GRM7: variants seen among roughly 807,000 people sequenced by gnomAD.
The protein encoded by GRM7 is glutamate metabotropic receptor 7.
Under a neutral mutation model 84.5 loss-of-function variants are expected in GRM7, and 35 were observed. The observed-to-expected ratio is 0.41, with a 90% confidence interval of 0.32 to 0.55. The LOEUF (loss-of-function observed/expected upper bound fraction) is 0.55. Among genes scored for constraint, GRM7 ranks in the 20% least tolerant of loss-of-function variants. The pLI, the probability that GRM7 is intolerant of heterozygous loss-of-function variation, is 0.19. For synonymous variants in GRM7, 487 were observed against 455.1 expected (o/e 1.07, Z -0.89); for missense variants, 1,003 against 1,194.6 (o/e 0.84, Z 2.36).
intron 4 of GRM7, among the ~76,000 whole-genome samples, chr3:7,392,820 G>T (rs1231997334): frequency 1.3e-5 from 2 of 152,210 alleles, no homozygotes; most frequent in African/African-American, 2.4e-5. Context: ...AACTTTGTGG[G>T]TGAAAAGCTG....
chr3:7,284,260 G>T (rs1699349686), intron 2 of GRM7, among the ~76,000 whole-genome samples: 1 of 146,962 alleles, frequency 6.8e-6, no homozygotes, highest in Admixed American at 7.0e-5. Flanking sequence ...AGGAGTTAGG[G>T]GTGTGTGGGG....
chr3:7,066,367 A>G (rs752592400), intron 1 of GRM7, among the ~76,000 whole-genome samples: 5 of 151,944 alleles, frequency 3.3e-5, no homozygotes, highest in Non-Finnish European at 5.9e-5. Flanking sequence ...ACTGAAATAC[A>G]AAAGCTCATT....
intron 1 of GRM7, among the ~76,000 whole-genome samples, chr3:6,883,174 T>C (rs948843597): frequency 8.5e-5 from 13 of 152,226 alleles, no homozygotes; most frequent in African/African-American, 2.7e-4. Flanking sequence ...AGATTAAACT[T>C]ATTTTAATGT....
intron 1 of GRM7, among the ~76,000 whole-genome samples, chr3:7,000,359 T>C (rs889832634): frequency 1.3e-5 from 2 of 151,958 alleles, no homozygotes; most frequent in African/African-American, 4.8e-5. Flanking sequence ...TATTTTATTT[T>C]ATTTTTTAGT....
At chr3:7,465,852 T>A (rs898002515) in intron 7 of GRM7, among the ~76,000 whole-genome samples, 1 of 152,184 alleles carries the variant, frequency 6.6e-6, no homozygotes, top group African/African-American at 2.4e-5. Flanking sequence ...ACTGCTCTGC[T>A]GTTCCCTGTG....
intron 7 of GRM7, among the ~76,000 whole-genome samples, chr3:7,568,410 G>A (rs959914229): frequency 9.8e-5 from 15 of 152,382 alleles, no homozygotes; most frequent in Non-Finnish European, 2.1e-4. Context: ...AGCAAGTGAC[G>A]TCTTACAAAG....
At chr3:7,374,931 C>A (rs553795649) in intron 4 of GRM7, among the ~76,000 whole-genome samples, 7 of 152,194 alleles carry the variant, frequency 4.6e-5, no homozygotes, top group South Asian at 4.1e-4. Context: ...TCCTGCCCTG[C>A]CTATTTTAGG....
At chr3:7,360,212 G>A (rs1211244744) in intron 4 of GRM7, among the ~76,000 whole-genome samples, 1 of 144,032 alleles carries the variant, frequency 6.9e-6, no homozygotes, top group Non-Finnish European at 1.5e-5. Context: ...TGACTAAATG[G>A]GTCTTTGAAT....
chr3:7,055,495 G>C (rs1433859946), intron 1 of GRM7, among the ~76,000 whole-genome samples: 1 of 150,072 alleles, frequency 6.7e-6, no homozygotes, highest in Admixed American at 6.6e-5. Flanking sequence ...GTGTGTGTGT[G>C]TGTGTGTGTG....
chr3:7,472,346 AT>A (rs1282059607), intron 7 of GRM7, among the ~76,000 whole-genome samples: 67 of 122,088 alleles, frequency 5.5e-4, no homozygotes, highest in African/African-American at 4.6e-3. Context: ...AATGTTATGA[AT>A]GTGTAAATAG....
At position 7,151,107 on chromosome 3, in the gene GRM7, A is replaced by G. The variant is rs1694274552; in HGVS notation, c.736+4439A>G. On this transcript the variant is annotated intron_variant, in intron 2 of 9. Coordinates refer to ENST00000357716, the MANE Select transcript of GRM7 (RefSeq NM_000844.4). The surrounding 1 kb of genome is among the most constrained non-coding windows in gnomAD (Gnocchi z 4.5). The stretch of plus-strand genomic sequence containing the variant: ...TTATAAAGTAATTATTATTATTCAG[A>G]TAAACTCTAGAATTTATTTTTAATT... 6.6e-6 allele frequency among the ~76,000 whole-genome samples: 1 copy of G among 152,196 alleles called. No individual in the cohort carries two copies. Among genetic ancestry groups the G allele is most frequent in the Non-Finnish European group, 1.5e-5 (1 of 68,036 alleles).
chr3:7,008,907 A>T (rs1695274410), intron 1 of GRM7, among the ~76,000 whole-genome samples: 1 of 151,904 alleles, frequency 6.6e-6, no homozygotes, highest in South Asian at 2.1e-4. Flanking sequence ...CTGTCAAACT[A>T]TTTTTTTTAA....
chr3:7,568,910 C>T (rs983989776), intron 7 of GRM7, among the ~76,000 whole-genome samples: 21 of 152,108 alleles, frequency 1.4e-4, no homozygotes, highest in African/African-American at 3.1e-4. Flanking sequence ...CCCAGCCTCC[C>T]GGACGAGCGC....
intron 1 of GRM7, among the ~76,000 whole-genome samples, chr3:6,992,075 G>A (rs1009234399): frequency 6.6e-6 from 1 of 152,146 alleles, no homozygotes; most frequent in Non-Finnish European, 1.5e-5. Flanking sequence ...AAGAAGAAAG[G>A]CAGAAGTGGA....
rs139579594 is a variant in GRM7, at chr3:7,401,788, C to G, written c.1034-13235C>G. Among the ~76,000 whole-genome samples, 299 of 152,210 alleles carry G rather than the reference C, an allele frequency of 2.0e-3. 1 individual carries two copies. The highest frequency in any genetic ancestry group is 3.5e-3 in the Non-Finnish European group (235 of 68,002). ...TCTGTGAAAATTATATGTGTATGTC[C>G]TACTTCTTGGCCATCTCCTTGAGAA... On this transcript the variant is annotated intron_variant, in intron 4 of 9. Coordinates refer to ENST00000357716, the MANE Select transcript of GRM7 (RefSeq NM_000844.4).
chr3:6,966,233 C>G (rs1284785739), intron 1 of GRM7, among the ~76,000 whole-genome samples: 2 of 152,088 alleles, frequency 1.3e-5, no homozygotes. Context: ...AATCTTCTTC[C>G]TTATCAGACC....
Position 6,863,849 on chromosome 3 carries a change from A to G in GRM7, c.519+1942A>G, listed in dbSNP as rs1167647065. ...TGTTTCTTCACTCACCCTGGGCAGT[A>G]CTGCGGATCAGCCTGTCTCTGTCTG... On this transcript the variant is annotated intron_variant, in intron 1 of 9. Transcript: ENST00000357716. This position sits in a 1 kb window ranked among gnomAD's most constrained non-coding sequence, Gnocchi z 4.8. Among the ~76,000 whole-genome samples the G allele has an allele frequency of 6.6e-6, 1 of 152,224 alleles. No homozygotes were observed. Among genetic ancestry groups the G allele is most frequent in the African/African-American group, 2.4e-5 (1 of 41,458 alleles).
At chr3:6,879,034 T>C (rs1025022113) in intron 1 of GRM7, among the ~76,000 whole-genome samples, 2 of 152,198 alleles carry the variant, frequency 1.3e-5, no homozygotes, top group African/African-American at 4.8e-5. Context: ...GCAAAGGGCC[T>C]CTACCCTAAA....
chr3:7,678,395 C>T (rs1010498946), intron 8 of GRM7, among the ~76,000 whole-genome samples: 12 of 152,098 alleles, frequency 7.9e-5, no homozygotes, highest in Admixed American at 2.0e-4. Context: ...TTGTTGACAT[C>T]CTTTTCCTTT....
Sources: allele counts gnomAD v4.1 joint callset (sites outside exome capture counted in the v4.1 genomes callset), GRCh38; gene constraint gnomAD v4.1.1; non-coding constraint Gnocchi (gnomAD v3.1); transcripts MANE v1.5; gene names NCBI Gene and HGNC (gene_info 2026-07-23, HGNC 2026-07-21).